Variants in CSMD3 observed in about 807,000 individuals in gnomAD.
CSMD3 encodes the protein CUB and Sushi multiple domains 3.
In CSMD3, 177 loss-of-function variants were observed where a neutral mutation model predicts 435.2. The ratio of observed to expected loss-of-function variants is 0.41; its 90% CI spans 0.36 to 0.46. CSMD3 has a LOEUF of 0.46. Among genes scored for constraint, CSMD3 ranks in the 20% least tolerant of loss-of-function variants. The pLI, the probability that CSMD3 is intolerant of heterozygous loss-of-function variation, is 0.34. For synonymous variants in CSMD3, 1,656 were observed against 1,520.5 expected (o/e 1.09, Z -2.07); for missense variants, 4,265 against 4,504.6 (o/e 0.95, Z 1.52).
chr8:113,283,880 A>G (rs2132487045), intron 2 of CSMD3, among the ~76,000 whole-genome samples: 1 of 152,292 alleles, frequency 6.6e-6, no homozygotes, highest in Admixed American at 6.5e-5. Context: ...TACACATATC[A>G]TATATATGAT....
chr8:112,753,041 T>A (rs2077610748), intron 13 of CSMD3, among the ~76,000 whole-genome samples: 1 of 151,974 alleles, frequency 6.6e-6, no homozygotes, highest in Admixed American at 6.6e-5. Context: ...TCCTCCTGCC[T>A]CAGCCCCCTT....
rs563473482 is a variant in CSMD3, at chr8:113,163,584, AG to A, written c.709+10137del. On this transcript the variant is annotated intron_variant, in intron 4 of 70. Transcript: ENST00000297405. Reference sequence around the variant, plus strand: ...AGGCATCCATTAAATATTAAACTGTAGAAAAAATTAAGATAATATTAATGCA... The same window carrying A: ...AGGCATCCATTAAATATTAAACTGTAAAAAAATTAAGATAATATTAATGCA... Among the ~76,000 whole-genome samples the A allele has an allele frequency of 1.4e-4, 22 of 152,140 alleles. 1 individual carries two copies. In the South Asian group the frequency reaches 2.9e-3, roughly 20 times the overall value.
At chr8:112,609,636 C>T (rs546714648) in intron 22 of CSMD3, among the ~76,000 whole-genome samples, 2 of 152,148 alleles carry the variant, frequency 1.3e-5, no homozygotes, top group East Asian at 3.9e-4. Flanking sequence ...ATAGAACTAC[C>T]ATGTGATCCA....
chr8:112,920,601 A>G (rs1464438826), intron 10 of CSMD3, among the ~76,000 whole-genome samples: 1 of 151,792 alleles, frequency 6.6e-6, no homozygotes, highest in African/African-American at 2.4e-5. Flanking sequence ...GTCTAATGAT[A>G]TTGGCATATC....
intron 12 of CSMD3, among the ~76,000 whole-genome samples, chr8:112,813,319 G>A (rs1358424492): frequency 6.6e-6 from 1 of 152,136 alleles, no homozygotes; most frequent in Non-Finnish European, 1.5e-5. Context: ...TTACCAGAGT[G>A]AAAAACAAAG....
intron 59 of CSMD3, among the ~76,000 whole-genome samples, chr8:112,267,018 T>C (rs1019354314): frequency 2.6e-5 from 4 of 152,282 alleles, no homozygotes; most frequent in Non-Finnish European, 5.9e-5. Context: ...TCTCTCTCTG[T>C]CTACTCCTCT....
intron 1 of CSMD3, among the ~76,000 whole-genome samples, chr8:113,400,147 C>T (rs2094503540): frequency 1.3e-5 from 2 of 151,826 alleles, no homozygotes; most frequent in African/African-American, 2.4e-5. Flanking sequence ...AAATAAATTG[C>T]ATAAAAAGTA....
intron 52 of CSMD3, among the ~76,000 whole-genome samples, 150 bp downstream of exon 52, chr8:112,304,567 ATAGT>A (rs1821240246): frequency 6.6e-6 from 1 of 152,202 alleles, no homozygotes; most frequent in Non-Finnish European, 1.5e-5. Context: ...ACATAGAAAC[ATAGT>A]TAGAAAATTT....
At chr8:112,899,035 A>T (rs2082028472) in intron 10 of CSMD3, among the ~76,000 whole-genome samples, 1 of 151,306 alleles carries the variant, frequency 6.6e-6, no homozygotes, top group South Asian at 2.1e-4. Flanking sequence ...CATAAGATCA[A>T]TGAGCTTAAT....
At chr8:112,686,538 G>A (rs1266607781) in intron 14 of CSMD3, among the ~76,000 whole-genome samples, 1 of 149,688 alleles carries the variant, frequency 6.7e-6, no homozygotes, top group Non-Finnish European at 1.5e-5. Flanking sequence ...CCAGGCTGGA[G>A]TGCAGTGGCA....
intron 22 of CSMD3, among the ~76,000 whole-genome samples, chr8:112,630,836 G>A (rs957141643): frequency 1.3e-5 from 2 of 151,886 alleles, no homozygotes; most frequent in African/African-American, 4.8e-5. Flanking sequence ...TGTGCTTGTG[G>A]GAGGACATCC....
At position 112,878,735 on chromosome 8, in the gene CSMD3, C is replaced by T. The variant is rs1274470125; in HGVS notation, c.1634-19469G>A. ...TATACACCATGGAATACTATGCAGCCAGAAAAAGAATGAGTTCATGTCCTT... is the reference window on the plus strand; with the variant it reads ...TATACACCATGGAATACTATGCAGCTAGAAAAAGAATGAGTTCATGTCCTT... On this transcript the variant is annotated intron_variant, in intron 10 of 70. Coordinates refer to ENST00000297405, the MANE Select transcript of CSMD3 (RefSeq NM_198123.2). Among the ~76,000 whole-genome samples, 5 of 152,170 alleles carry T rather than the reference C, an allele frequency of 3.3e-5. No homozygotes were observed. The South Asian group carries it at 1.0e-3, about 32-fold the overall frequency.
chr8:112,472,783 T>C (rs1280596977), intron 31 of CSMD3, 76 bp from the exon 32 acceptor site: 1 of 787,940 alleles, frequency 1.3e-6, no homozygotes, highest in Non-Finnish European at 2.3e-6. Context: ...CTTCTTCATA[T>C]AAAAAATATA....
intron 24 of CSMD3, among the ~76,000 whole-genome samples, chr8:112,557,317 G>A (rs547610559): frequency 6.6e-6 from 1 of 151,904 alleles, no homozygotes; most frequent in African/African-American, 2.4e-5. Context: ...TCCTGGCACA[G>A]AGCTCCTAAA....
chr8:112,577,339 A>G (rs1170343424), intron 23 of CSMD3, among the ~76,000 whole-genome samples: 1 of 152,100 alleles, frequency 6.6e-6, no homozygotes, highest in Non-Finnish European at 1.5e-5. Context: ...CAAATAAGAA[A>G]ACAAAACAAA....
intron 61 of CSMD3, among the ~76,000 whole-genome samples, chr8:112,262,636 G>C (rs183696090): frequency 6.6e-6 from 1 of 152,094 alleles, no homozygotes; most frequent in African/African-American, 2.4e-5. Flanking sequence ...GAAATTTTTT[G>C]TAAAAAGCTG....
intron 17 of CSMD3, among the ~76,000 whole-genome samples, chr8:112,660,236 C>T (rs1318489105): frequency 1.3e-5 from 2 of 151,976 alleles, no homozygotes; most frequent in African/African-American, 4.8e-5. Flanking sequence ...TATTCGATTT[C>T]TTAAAACAAT....
chr8:112,693,962 T>C (rs1284957300), intron 13 of CSMD3, among the ~76,000 whole-genome samples: 1 of 151,780 alleles, frequency 6.6e-6, no homozygotes, highest in East Asian at 1.9e-4. Context: ...TTTAGTTTTA[T>C]TTAATTACAA....
chr8:113,243,528 G>A (rs998104608), intron 3 of CSMD3, among the ~76,000 whole-genome samples: 1 of 151,784 alleles, frequency 6.6e-6, no homozygotes, highest in South Asian at 2.1e-4. Context: ...TATTCATCTT[G>A]TTTCCACATT....
Sources: gnomAD v4.1 joint callset for allele counts (sites outside exome capture counted in the v4.1 genomes callset) on GRCh38, gnomAD v4.1.1 for gene constraint, MANE v1.5 for transcripts, NCBI Gene and HGNC (gene_info 2026-07-23, HGNC 2026-07-21) for gene names.